RBFOX1: variants seen among roughly 807,000 people sequenced by gnomAD.
The protein encoded by RBFOX1 is RNA binding fox-1 homolog 1, also known as RNA binding protein fox-1 homolog 1.
In RBFOX1, 8 loss-of-function variants were observed where a neutral mutation model predicts 57.7. The ratio of observed to expected loss-of-function variants is 0.14; its 90% CI spans 0.08 to 0.25. The LOEUF is 0.25. Among genes scored for constraint, RBFOX1 ranks in the 10% least tolerant of loss-of-function variants. RBFOX1 has a pLI of 1.00. For missense variants in RBFOX1, 611 were observed against 548.5 expected, an observed-to-expected ratio of 1.11 and a Z score of -1.14; for synonymous variants, 326 against 222.4, an observed-to-expected ratio of 1.47 and a Z score of -4.15.
intron 4 of RBFOX1, among the ~76,000 whole-genome samples, chr16:7,174,389 C>A (rs1328743225): frequency 6.6e-6 from 1 of 152,138 alleles, no homozygotes; most frequent in Non-Finnish European, 1.5e-5. Context: ...ACACTTGTTT[C>A]CAAGTTCTTG....
chr16:5,390,450 G>A (rs902627931), intron 1 of RBFOX1, among the ~76,000 whole-genome samples: 1 of 151,750 alleles, frequency 6.6e-6, no homozygotes, highest in Non-Finnish European at 1.5e-5. Flanking sequence ...GACTACACTC[G>A]GCTACTTTTT....
rs573415950 is a variant in RBFOX1, at chr16:5,340,218, T to C, written c.219+100113T>C. ...CATCTGGGGCTTTTATTCTTGTTTG[T>C]CCATAAACCCAGAGCACATTGTCCT... is the stretch of plus-strand genomic sequence containing the variant. On this transcript the variant is annotated intron_variant, in intron 1 of 2. Coordinates refer to the RBFOX1 transcript ENST00000585867. 2.6e-5 allele frequency among the ~76,000 whole-genome samples: 4 copies of C among 152,332 alleles called. No homozygotes were observed. The South Asian group carries it at 6.2e-4, about 24-fold the overall frequency.
At chr16:6,662,790 T>C (rs2098709599) in intron 3 of RBFOX1, among the ~76,000 whole-genome samples, 1 of 142,726 alleles carries the variant, frequency 7.0e-6, no homozygotes, top group Non-Finnish European at 1.5e-5. Flanking sequence ...TGCATTAGAG[T>C]TACTTTCTAC....
chr16:6,899,851 A>G (rs1956768326), intron 3 of RBFOX1, among the ~76,000 whole-genome samples: 1 of 152,210 alleles, frequency 6.6e-6, no homozygotes. Flanking sequence ...TCGTTAGTAA[A>G]TAATAGTAGG....
intron 3 of RBFOX1, among the ~76,000 whole-genome samples, chr16:5,732,199 A>T (rs899897515): frequency 6.6e-6 from 1 of 152,248 alleles, no homozygotes; most frequent in Admixed American, 6.5e-5. Context: ...ATAATAGTTC[A>T]ATTCAGCATC....
chr16:6,781,357 T>C (rs1263221814), intron 3 of RBFOX1, among the ~76,000 whole-genome samples: 1 of 152,172 alleles, frequency 6.6e-6, no homozygotes, highest in Non-Finnish European at 1.5e-5. Context: ...TTTGCATTCA[T>C]GTTCATCAGA....
intron 4 of RBFOX1, among the ~76,000 whole-genome samples, chr16:7,066,061 A>G (rs1394549109): frequency 3.3e-5 from 5 of 152,226 alleles, no homozygotes; most frequent in Admixed American, 2.6e-4. Context: ...AGTTTTGCAA[A>G]CATCTAAGTC....
At chr16:7,469,958 C>G (rs1016825943) in intron 4 of RBFOX1, among the ~76,000 whole-genome samples, 5 of 151,318 alleles carry the variant, frequency 3.3e-5, no homozygotes, top group Non-Finnish European at 7.4e-5. Flanking sequence ...TGGCTTATTT[C>G]TCTTAGCATA....
At chr16:7,316,732 T>C (rs1389000275) in intron 4 of RBFOX1, among the ~76,000 whole-genome samples, 2 of 150,752 alleles carry the variant, frequency 1.3e-5, no homozygotes, top group Non-Finnish European at 3.0e-5. Flanking sequence ...TGAGATGGAG[T>C]GGGAGGTAGG....
chr16:7,398,541 G>T (rs2098180642), intron 4 of RBFOX1, among the ~76,000 whole-genome samples: 1 of 152,258 alleles, frequency 6.6e-6, no homozygotes. Flanking sequence ...TGCAAATTCA[G>T]TCGCTTACCC....
intron 3 of RBFOX1, among the ~76,000 whole-genome samples, chr16:6,668,360 G>A (rs1442074170): frequency 3.9e-5 from 6 of 152,206 alleles, no homozygotes; most frequent in Non-Finnish European, 8.8e-5. Context: ...GTATAGTTTA[G>A]TTGTTTCTGT....
intron 3 of RBFOX1, among the ~76,000 whole-genome samples, chr16:6,900,468 G>C (rs899798013): frequency 1.3e-5 from 2 of 152,152 alleles, no homozygotes; most frequent in Non-Finnish European, 1.5e-5. Flanking sequence ...ATTTCCCGTT[G>C]CTCTTAGGAT....
chr16:7,304,374 C>T (rs1396886025), intron 4 of RBFOX1: 4 of 985,266 alleles, frequency 4.1e-6, no homozygotes, highest in Non-Finnish European at 4.8e-6. Context: ...TCGGCGGGCG[C>T]CAGAGAGACA....
intron 1 of RBFOX1, among the ~76,000 whole-genome samples, chr16:6,126,599 T>G (rs1037032257): frequency 6.6e-6 from 1 of 152,206 alleles, no homozygotes; most frequent in Non-Finnish European, 1.5e-5. Context: ...AGCATTTATG[T>G]GCATGCTACC....
chr16:7,230,333 C>T (rs964070677), intron 4 of RBFOX1, among the ~76,000 whole-genome samples: 1 of 152,120 alleles, frequency 6.6e-6, no homozygotes, highest in African/African-American at 2.4e-5. Flanking sequence ...AATAATTACT[C>T]CGTGTGTTGG....
chr16:7,542,219 C>G (rs2152473892), intron 5 of RBFOX1, among the ~76,000 whole-genome samples: 1 of 152,278 alleles, frequency 6.6e-6, no homozygotes, highest in South Asian at 2.1e-4. Context: ...ACAGAGAAGA[C>G]TGGTCAAAGG....
chr16:6,274,344 A>G (rs556025928), intron 1 of RBFOX1, among the ~76,000 whole-genome samples: 1 of 152,226 alleles, frequency 6.6e-6, no homozygotes, highest in Non-Finnish European at 1.5e-5. Context: ...TGGTATATCC[A>G]TACCACAAAA....
chr16:7,222,412 C>A (rs1211235855), intron 4 of RBFOX1, among the ~76,000 whole-genome samples: 1 of 152,192 alleles, frequency 6.6e-6, no homozygotes, highest in Non-Finnish European at 1.5e-5. Flanking sequence ...TTCATTCTTA[C>A]TGAACTGTTA....
At chr16:6,974,204 A>G (rs1433018701) in intron 3 of RBFOX1, among the ~76,000 whole-genome samples, 2 of 151,866 alleles carry the variant, frequency 1.3e-5, no homozygotes, top group Admixed American at 1.3e-4. Context: ...TTTTGATTCC[A>G]TGTCTTTGCT....
Sources: allele counts gnomAD v4.1 joint callset (sites outside exome capture counted in the v4.1 genomes callset), GRCh38; gene constraint gnomAD v4.1.1; transcripts MANE v1.5; gene names NCBI Gene and HGNC (gene_info 2026-07-23, HGNC 2026-07-21).